ALCAM: variants seen among roughly 807,000 people sequenced by gnomAD.
ALCAM encodes the protein CD166 antigen.
In ALCAM, 30 loss-of-function variants were observed where a neutral mutation model predicts 70.9. That is an observed-to-expected ratio of 0.42 (90% confidence interval 0.32 to 0.57). The LOEUF (loss-of-function observed/expected upper bound fraction) is 0.57. ALCAM is among the 20% of genes least tolerant of loss of function. The pLI is 0.11. For synonymous variants in ALCAM, 249 were observed against 242.5 expected (o/e 1.03, Z -0.25); for missense variants, 591 against 695.1 (o/e 0.85, Z 1.68).
intron 15 of ALCAM, among the ~76,000 whole-genome samples, chr3:105,573,838 A>T (rs1702452952): frequency 6.6e-6 from 1 of 152,226 alleles, no homozygotes; most frequent in African/African-American, 2.4e-5. Context: ...ATCCCATAGT[A>T]AGGATGGAGC....
At chr3:105,464,917 G>A (rs73185129) in intron 1 of ALCAM, among the ~76,000 whole-genome samples, 28,211 of 151,160 alleles carry the variant, frequency 0.19, 2,817 homozygotes, top group East Asian at 0.37. Flanking sequence ...GAACATCTTC[G>A]TCACCCAATC....
chr3:105,505,812 A>T (rs1939058270), intron 1 of ALCAM, among the ~76,000 whole-genome samples: 1 of 152,206 alleles, frequency 6.6e-6, no homozygotes, highest in African/African-American at 2.4e-5. Flanking sequence ...TTAGATAAAG[A>T]TATAACCTAC....
chr3:105,468,298 T>A (rs1937808711), intron 1 of ALCAM, among the ~76,000 whole-genome samples: 1 of 151,246 alleles, frequency 6.6e-6, no homozygotes. Flanking sequence ...TTAATAAAAA[T>A]AAATTAGTAA....
At chr3:105,460,012 A>G (rs7621905) in intron 1 of ALCAM, among the ~76,000 whole-genome samples, 23,562 of 151,978 alleles carry the variant, frequency 0.16, 2,082 homozygotes, top group Non-Finnish European at 0.2. Flanking sequence ...TGCTGGAAAC[A>G]TTAATTCAAG....
intron 6 of ALCAM, among the ~76,000 whole-genome samples, chr3:105,536,484 G>A (rs889473692): frequency 6.6e-6 from 1 of 152,180 alleles, no homozygotes; most frequent in Non-Finnish European, 1.5e-5. Flanking sequence ...ATCAAGATAA[G>A]TAATAAGAAT....
intron 1 of ALCAM, among the ~76,000 whole-genome samples, chr3:105,476,890 G>A (rs192073269): frequency 1.8e-4 from 27 of 152,158 alleles, no homozygotes; most frequent in Admixed American, 4.6e-4. Context: ...TGTTGTGGGA[G>A]GGAGTCAGGG....
At chr3:105,448,283 A>G (rs1937342855) in intron 1 of ALCAM, among the ~76,000 whole-genome samples, 1 of 152,170 alleles carries the variant, frequency 6.6e-6, no homozygotes, top group African/African-American at 2.4e-5. Flanking sequence ...AAAGAATATC[A>G]GTCACTAAAC....
intron 1 of ALCAM, among the ~76,000 whole-genome samples, chr3:105,413,968 C>T (rs958905839): frequency 2.0e-5 from 3 of 152,006 alleles, no homozygotes; most frequent in African/African-American, 4.8e-5. Context: ...ATATGCAAAA[C>T]ATCATGTTCA....
intron 1 of ALCAM, among the ~76,000 whole-genome samples, chr3:105,437,244 GT>G (rs759026329): frequency 6.6e-6 from 1 of 152,034 alleles, no homozygotes; most frequent in Non-Finnish European, 1.5e-5. Flanking sequence ...AGTTGCTAAA[GT>G]TTTTTTATTT....
rs1417189005 is a variant in ALCAM, at chr3:105,565,249, T to C, written c.1665-6603T>C. 2.0e-5 allele frequency among the ~76,000 whole-genome samples: 3 copies of C among 152,224 alleles called. No homozygotes were observed. In the East Asian group the frequency reaches 5.8e-4, roughly 29 times the overall value. On this transcript the variant is annotated intron_variant, in intron 14 of 15. Coordinates refer to ENST00000306107, the MANE Select transcript of ALCAM (RefSeq NM_001627.4). ...TTACATATATGTTTACCCTCCTTTCTTCATAAGACTCCTGGTATACATATA... is the reference window on the plus strand; with the variant it reads ...TTACATATATGTTTACCCTCCTTTCCTCATAAGACTCCTGGTATACATATA...
chr3:105,447,575 A>G (rs1937330092), intron 1 of ALCAM, among the ~76,000 whole-genome samples: 1 of 152,152 alleles, frequency 6.6e-6, no homozygotes, highest in African/African-American at 2.4e-5. Context: ...GCCTGGTGGC[A>G]TGCATCTGGG....
intron 1 of ALCAM, among the ~76,000 whole-genome samples, chr3:105,421,484 T>TA (rs903182710): frequency 4.8e-4 from 72 of 151,508 alleles, no homozygotes; most frequent in Non-Finnish European, 1.2e-4. Flanking sequence ...TCTCTATTTT[T>TA]AAAAAAAGAA....
At chr3:105,465,284 A>G (rs765774605) in intron 1 of ALCAM, among the ~76,000 whole-genome samples, 2 of 151,452 alleles carry the variant, frequency 1.3e-5, no homozygotes, top group South Asian at 2.1e-4. Flanking sequence ...ATAAATTCGT[A>G]GTGGTGTCAG....
rs1411107748 is a variant in ALCAM, at chr3:105,531,971, G to A, written c.395-31G>A. 8 of 1,583,948 alleles carry A rather than the reference G, an allele frequency of 5.1e-6. No homozygotes were observed. In the South Asian group the frequency reaches 7.7e-5, roughly 15 times the overall value. On this transcript the variant is annotated intron_variant, in intron 3 of 15. Coordinates refer to ENST00000306107, the MANE Select transcript of ALCAM (RefSeq NM_001627.4). ...CAGAAGTCCCGTTTTTCTTACATATGTACTTAAAATCTTTCTCTGCTTAAC... is the reference window on the plus strand; with the variant it reads ...CAGAAGTCCCGTTTTTCTTACATATATACTTAAAATCTTTCTCTGCTTAAC...
intron 8 of ALCAM, 92 bp from the exon 9 acceptor site, chr3:105,545,131 A>C: frequency 1.2e-6 from 1 of 858,834 alleles, no homozygotes; most frequent in South Asian, 1.4e-5. Flanking sequence ...CAGTTAGAAG[A>C]AATTTATTTT....
At chr3:105,440,262 G>A (rs76110958) in intron 1 of ALCAM, among the ~76,000 whole-genome samples, 22,760 of 152,166 alleles carry the variant, frequency 0.15, 1,814 homozygotes, top group Middle Eastern at 0.19. Flanking sequence ...ACATGAACCA[G>A]GAAGGGAACT....
At chr3:105,524,175 T>C (rs552028173) in intron 2 of ALCAM, 114 bp from the exon 3 acceptor site, 2 of 901,686 alleles carry the variant, frequency 2.2e-6, no homozygotes, top group South Asian at 3.8e-5. Flanking sequence ...TTATTCTTCG[T>C]AGACAAAAAA....
chr3:105,570,697 G>A (rs558373530), intron 14 of ALCAM, among the ~76,000 whole-genome samples: 1 of 152,136 alleles, frequency 6.6e-6, no homozygotes, highest in Admixed American at 6.5e-5. Context: ...ATAGACCAAT[G>A]AGAATGAACA....
intron 1 of ALCAM, among the ~76,000 whole-genome samples, chr3:105,381,651 G>A (rs1028145766): frequency 6.6e-6 from 1 of 151,790 alleles, no homozygotes; most frequent in African/African-American, 2.4e-5. Context: ...ATTGTTTTAG[G>A]TCATTAGTGT....
Sources: allele counts gnomAD v4.1 joint callset (sites outside exome capture counted in the v4.1 genomes callset), GRCh38; gene constraint gnomAD v4.1.1; transcripts MANE v1.5; gene names NCBI Gene and HGNC (gene_info 2026-07-23, HGNC 2026-07-21).